Variants in CSTA observed in about 807,000 individuals in gnomAD.
CSTA encodes cystatin A.
Under a neutral mutation model 9.2 loss-of-function variants are expected in CSTA, and 9 were observed. That is an observed-to-expected ratio of 0.97 (90% CI 0.59 to 1.70). The LOEUF is 1.70. CSTA is among the 40% of genes most tolerant of loss of function. The probability of loss-of-function intolerance (pLI) is 0.00; values close to 1 mark genes in which losing one functional copy is unlikely to be tolerated. For missense variants in CSTA, 118 were observed against 113.1 expected (o/e 1.04, Z -0.20); for synonymous variants, 36 against 40.6 (o/e 0.89, Z 0.43).
intron 1 of CSTA, 102 bp downstream of exon 1, chr3:122,325,460 A>G (rs1187947511): frequency 1.7e-6 from 2 of 1,149,110 alleles, no homozygotes; most frequent in African/African-American, 3.0e-5. Context: ...GAAGTTTAGG[A>G]TGTTTGTGGC....
chr3:122,333,729 AGAAAGAG>A (rs1037349063), intron 1 of CSTA, among the ~76,000 whole-genome samples: 30 of 112,514 alleles, frequency 2.7e-4, no homozygotes, highest in Admixed American at 3.4e-4. Context: ...AGAGAAAGAA[AGAAAGAG>A]AAAGAAAGAA....
intron 1 of CSTA, among the ~76,000 whole-genome samples, chr3:122,328,763 C>A (rs1191109187): frequency 3.3e-5 from 5 of 151,402 alleles, no homozygotes; most frequent in African/African-American, 1.2e-4. Flanking sequence ...TAGCTTTCTA[C>A]TTTCTAGTTT....
chr3:122,329,668 T>C (rs1412486064), intron 1 of CSTA, among the ~76,000 whole-genome samples: 3 of 152,242 alleles, frequency 2.0e-5, no homozygotes, highest in African/African-American at 2.4e-5. Context: ...ATTATGCTAA[T>C]TATTATAGAA....
At chr3:122,332,704 G>A (rs2075211396) in intron 1 of CSTA, among the ~76,000 whole-genome samples, 1 of 152,144 alleles carries the variant, frequency 6.6e-6, no homozygotes, top group Non-Finnish European at 1.5e-5. Flanking sequence ...CTCCCCGGCT[G>A]GAGACCAAGC....
At chr3:122,326,388 T>G (rs2075170813) in intron 1 of CSTA, among the ~76,000 whole-genome samples, 1 of 152,266 alleles carries the variant, frequency 6.6e-6, no homozygotes, top group African/African-American at 2.4e-5. Flanking sequence ...AAACATTTAT[T>G]TGCATATTTT....
At chr3:122,340,322 T>G (rs2075259186) in intron 2 of CSTA, among the ~76,000 whole-genome samples, 1 of 152,152 alleles carries the variant, frequency 6.6e-6, no homozygotes, top group South Asian at 2.1e-4. Flanking sequence ...TTTTCTTTTT[T>G]GAGACGGAGT....
intron 2 of CSTA, among the ~76,000 whole-genome samples, chr3:122,340,377 T>C (rs1328181571): frequency 6.6e-6 from 1 of 152,086 alleles, no homozygotes; most frequent in East Asian, 1.9e-4. Flanking sequence ...CAATCTCGGC[T>C]CTCTGCGACC....
intron 2 of CSTA, among the ~76,000 whole-genome samples, chr3:122,340,398 G>A (rs577384907): frequency 5.3e-5 from 8 of 152,014 alleles, no homozygotes; most frequent in South Asian, 2.1e-4. Context: ...TCCACCTCCC[G>A]GATTCAAGCG....
intron 2 of CSTA, among the ~76,000 whole-genome samples, chr3:122,338,499 C>CCAAA (rs1170861047): frequency 7.1e-6 from 1 of 140,152 alleles, no homozygotes; most frequent in East Asian, 2.1e-4. Context: ...ATTTTTTCAG[C>CCAAA]AAAAAAAAAA....
At chr3:122,325,704 C>T (rs1559979418) in intron 1 of CSTA, among the ~76,000 whole-genome samples, 1 of 152,132 alleles carries the variant, frequency 6.6e-6, no homozygotes, top group Non-Finnish European at 1.5e-5. Context: ...CAAGTGAAGC[C>T]AACGTGTAAT....
At chr3:122,339,844 G>T (rs767863874) in intron 2 of CSTA, among the ~76,000 whole-genome samples, 1 of 152,100 alleles carries the variant, frequency 6.6e-6, no homozygotes, top group African/African-American at 2.4e-5. Context: ...CTCATTCCCC[G>T]ATCAGTACCC....
At position 122,327,528 on chromosome 3, in the gene CSTA, C is replaced by CAAA. The variant is rs59568582; in HGVS notation, c.66+2192_66+2194dup. 5.0e-3 allele frequency among the ~76,000 whole-genome samples: 219 copies of CAAA among 43,868 alleles called. 10 individuals carry two copies. Among genetic ancestry groups the CAAA allele is most frequent in the Middle Eastern group, 0.014 (1 of 74 alleles). The allele number at this position is 43,868 out of a possible 152,430, so 28.8% of individuals were successfully genotyped here. On this transcript the variant is annotated intron_variant, in intron 1 of 2. Coordinates refer to ENST00000264474, the MANE Select transcript of CSTA (RefSeq NM_005213.4). ...TGGGCAACAGAGTGAGACTCCGTCT[C>CAAA]AAAAAAAAAAAAAAAAAAAAAAAAG...
intron 2 of CSTA, among the ~76,000 whole-genome samples, chr3:122,340,194 C>A (rs149167485): frequency 6.6e-6 from 1 of 152,262 alleles, no homozygotes; most frequent in Non-Finnish European, 1.5e-5. Flanking sequence ...CCAGCAAGAA[C>A]CAAAGTAAAA....
In CSTA at chr3:122,341,520, G is replaced by A. The variant is rs142032585; in HGVS notation, c.250G>A (p.Gly84Arg). 599 of 1,613,948 alleles carry A rather than the reference G, an allele frequency of 3.7e-4. No individual in the cohort carries two copies. Among genetic ancestry groups the A allele is most frequent in the Non-Finnish European group, 4.5e-4 (533 of 1,179,990 alleles). The change falls in exon 3 of 3, where the codon GGA (glycine) becomes AGA (arginine). Residue 84 changes from glycine (G) to arginine (R), a missense_variant. Transcript: ENST00000264474. ...ACAAAATGAGGACTTGGTACTTACTGGATACCAGGTTGACAAAAACAAGGA... is the reference window on the plus strand; with the variant it reads ...ACAAAATGAGGACTTGGTACTTACTAGATACCAGGTTGACAAAAACAAGGA... ...PGQNEDLVLT[G>R]YQVDKNKDDE...
intron 1 of CSTA, among the ~76,000 whole-genome samples, chr3:122,336,090 A>G (rs2075236018): frequency 6.6e-6 from 1 of 152,194 alleles, no homozygotes; most frequent in East Asian, 1.9e-4. Context: ...AGATGTGTGC[A>G]TGTGTGAGTA....
intron 1 of CSTA, among the ~76,000 whole-genome samples, chr3:122,333,558 A>AGAAAGAAG (rs2075217418): frequency 7.1e-6 from 1 of 140,610 alleles, no homozygotes; most frequent in Admixed American, 6.9e-5. Context: ...AAAGAAAGAA[A>AGAAAGAAG]GAAAGAAAGA....
Position 122,341,317 on chromosome 3 carries a change from A to G in CSTA, c.169-122A>G. 6.2e-6 allele frequency: 6 copies of G among 964,794 alleles called. 1 individual carries two copies. In the South Asian group the frequency reaches 8.0e-5, roughly 13 times the overall value. 59.8% of individuals were successfully genotyped at this position (964,794 alleles called of 1,614,324 possible). A position where few individuals can be genotyped will look rare whatever the true frequency, so the allele number is the denominator to read the frequency against. ...AGTCTAAGAATGGTGGACTAGGTCT[A>G]GCAATGCTGTTCCTCAGCAGCTTTT... is the stretch of plus-strand genomic sequence containing the variant. On this transcript the variant is annotated intron_variant, in intron 2 of 2. Transcript: ENST00000264474.
intron 2 of CSTA, among the ~76,000 whole-genome samples, chr3:122,341,216 C>CA (rs2075263645): frequency 6.6e-6 from 1 of 152,154 alleles, no homozygotes; most frequent in Non-Finnish European, 1.5e-5. Flanking sequence ...GCTAGGATTA[C>CA]AGGTGGGAGC....
At chr3:122,340,567 G>A (rs570334763) in intron 2 of CSTA, among the ~76,000 whole-genome samples, 34 of 152,246 alleles carry the variant, frequency 2.2e-4, no homozygotes, top group Non-Finnish European at 5.0e-4. Context: ...GCCTCCCAAA[G>A]TGCTGGGATT....
Sources: allele counts gnomAD v4.1 joint callset (sites outside exome capture counted in the v4.1 genomes callset), GRCh38; gene constraint gnomAD v4.1.1; transcripts MANE v1.5; gene names NCBI Gene and HGNC (gene_info 2026-07-23, HGNC 2026-07-21).